MACROD2: variants seen among roughly 807,000 people sequenced by gnomAD.
MACROD2 encodes the protein mono-ADP ribosylhydrolase 2, also known as ADP-ribose glycohydrolase MACROD2.
In MACROD2, 36 loss-of-function variants were observed where a neutral mutation model predicts 70.4. The observed-to-expected ratio is 0.51, with a 90% CI of 0.39 to 0.68. The LOEUF (loss-of-function observed/expected upper bound fraction) is 0.68. Among genes scored for constraint, MACROD2 ranks in the 30% least tolerant of loss-of-function variants. The pLI is 0.00. For missense variants in MACROD2, 496 were observed against 538.4 expected (o/e 0.92, Z 0.78); for synonymous variants, 172 against 178.8 (o/e 0.96, Z 0.30).
rs571804323 is a variant in MACROD2 at position 15,741,554 on chromosome 20, G to A, written c.646-121191G>A. 7.9e-5 allele frequency among the ~76,000 whole-genome samples: 12 copies of A among 152,020 alleles called. No homozygotes were observed. In the South Asian group the frequency reaches 2.1e-3, roughly 26 times the overall value. On this transcript the variant is annotated intron_variant, in intron 8 of 17. Coordinates refer to ENST00000684519, the MANE Select transcript of MACROD2 (RefSeq NM_001351661.2). Reference sequence around the variant, plus strand: ...GAACCCTCTGTCCTCTGATATGCACGTGGCTACTCCCTCACCTCCTTCACA... The same window carrying A: ...GAACCCTCTGTCCTCTGATATGCACATGGCTACTCCCTCACCTCCTTCACA...
intron 6 of MACROD2, among the ~76,000 whole-genome samples, chr20:15,273,670 G>A (rs1403147231): frequency 6.6e-6 from 1 of 152,140 alleles, no homozygotes; most frequent in Non-Finnish European, 1.5e-5. Flanking sequence ...TAAGGTGACT[G>A]AATTCCCCTC....
At position 15,759,581 on chromosome 20, in the gene MACROD2, C is replaced by T. The variant is rs538172951; in HGVS notation, c.646-103164C>T. 3.2e-4 allele frequency among the ~76,000 whole-genome samples: 48 copies of T among 152,242 alleles called. 1 individual carries two copies. The highest frequency in any genetic ancestry group is 1.0e-3 in the African/African-American group (42 of 41,550). ...TCACTTGTACCTATTTCCCAAATTG[C>T]GCCTGCAACAAATGTGTCCATTTGC... On this transcript the variant is annotated intron_variant, in intron 8 of 17. Transcript: ENST00000684519.
chr20:15,287,190 C>T (rs941587592), intron 6 of MACROD2, among the ~76,000 whole-genome samples: 2 of 152,230 alleles, frequency 1.3e-5, no homozygotes, highest in Non-Finnish European at 2.9e-5. Flanking sequence ...AAGTTAGATC[C>T]TATCAATAAA....
chr20:15,331,461 G>A (rs2077991694), intron 6 of MACROD2, among the ~76,000 whole-genome samples: 2 of 151,486 alleles, frequency 1.3e-5, no homozygotes, highest in Admixed American at 1.3e-4. Context: ...AAGATACTAT[G>A]TGTGAAAATG....
intron 3 of MACROD2, among the ~76,000 whole-genome samples, chr20:14,374,548 G>T (rs1252473316): frequency 6.6e-6 from 1 of 152,108 alleles, no homozygotes; most frequent in Non-Finnish European, 1.5e-5. Flanking sequence ...GTATTCTTCA[G>T]TCTTGCTAAT....
chr20:14,561,322 T>G (rs1479835767), intron 4 of MACROD2, among the ~76,000 whole-genome samples: 1 of 151,888 alleles, frequency 6.6e-6, no homozygotes, highest in Non-Finnish European at 1.5e-5. Context: ...AATGTCTTGA[T>G]TTTTGAGAAA....
intron 15 of MACROD2, among the ~76,000 whole-genome samples, chr20:16,000,474 G>A (rs1547117): frequency 0.4 from 60,614 of 151,970 alleles, 12,739 homozygotes; most frequent in Non-Finnish European, 0.45. Flanking sequence ...GGCCATAAGT[G>A]GAATGGAGTA....
At chr20:14,173,351 C>T (rs949129411) in intron 3 of MACROD2, among the ~76,000 whole-genome samples, 2 of 151,954 alleles carry the variant, frequency 1.3e-5, no homozygotes, top group Admixed American at 6.6e-5. Flanking sequence ...TGAATTAATT[C>T]GAAAGCCCTC....
chr20:15,699,923 G>A (rs746849904), intron 8 of MACROD2, among the ~76,000 whole-genome samples: 3 of 152,044 alleles, frequency 2.0e-5, no homozygotes, highest in Non-Finnish European at 4.4e-5. Flanking sequence ...AAGCCCCCAG[G>A]GCCTTTCTGC....
At chr20:15,177,962 T>A (rs1393811025) in intron 5 of MACROD2, among the ~76,000 whole-genome samples, 1 of 152,132 alleles carries the variant, frequency 6.6e-6, no homozygotes, top group Non-Finnish European at 1.5e-5. Context: ...TTTCTTTCTC[T>A]GTAGTGAACC....
chr20:15,470,524 G>A (rs1267467754), intron 7 of MACROD2, among the ~76,000 whole-genome samples: 2 of 152,112 alleles, frequency 1.3e-5, no homozygotes, highest in South Asian at 2.1e-4. Flanking sequence ...TGCCACCTGC[G>A]GAGTACGGAG....
chr20:15,777,791 T>C (rs1461820726), intron 8 of MACROD2, among the ~76,000 whole-genome samples: 4 of 152,022 alleles, frequency 2.6e-5, no homozygotes, highest in African/African-American at 7.2e-5. Flanking sequence ...ATTACAGGCA[T>C]GAGCCATCAC....
At chr20:14,532,220 T>C (rs1312173490) in intron 4 of MACROD2, among the ~76,000 whole-genome samples, 1 of 127,438 alleles carries the variant, frequency 7.8e-6, no homozygotes, top group African/African-American at 4.3e-5. Context: ...TAACTAATCT[T>C]TTTTTTTTTT....
chr20:15,787,822 T>C (rs1568561225), intron 8 of MACROD2, among the ~76,000 whole-genome samples: 1 of 152,230 alleles, frequency 6.6e-6, no homozygotes, highest in East Asian at 1.9e-4. Flanking sequence ...TGAATTCAAG[T>C]TTAATCTTCT....
At chr20:15,033,739 TTAAAA>T (rs1345753938) in intron 5 of MACROD2, among the ~76,000 whole-genome samples, 1 of 152,148 alleles carries the variant, frequency 6.6e-6, no homozygotes, top group Non-Finnish European at 1.5e-5. Context: ...CTAATGGAAA[TTAAAA>T]TAAACAAACC....
chr20:15,345,085 G>T (rs922274318), intron 6 of MACROD2, among the ~76,000 whole-genome samples: 2 of 149,128 alleles, frequency 1.3e-5, no homozygotes, highest in Non-Finnish European at 3.0e-5. Flanking sequence ...CTTTCTCTGG[G>T]GTCTCTTTTA....
At chr20:15,118,841 T>C (rs541684962) in intron 5 of MACROD2, among the ~76,000 whole-genome samples, 4 of 152,230 alleles carry the variant, frequency 2.6e-5, no homozygotes, top group Non-Finnish European at 5.9e-5. Flanking sequence ...TTGTTGGAAA[T>C]ACAGCCACTT....
At chr20:14,148,353 T>C (rs6042552) in intron 3 of MACROD2, among the ~76,000 whole-genome samples, 6,265 of 152,268 alleles carry the variant, frequency 0.041, 176 homozygotes, top group African/African-American at 0.08. Flanking sequence ...AAGAAGATTT[T>C]TGTGATATCT....
At chr20:15,377,866 ATCATTC>A (rs2045583741) in intron 6 of MACROD2, among the ~76,000 whole-genome samples, 1 of 152,196 alleles carries the variant, frequency 6.6e-6, no homozygotes, top group African/African-American at 2.4e-5. Context: ...TGGCAGGATA[ATCATTC>A]TCAGCAAACT....
Sources: gnomAD v4.1 joint callset for allele counts (sites outside exome capture counted in the v4.1 genomes callset) on GRCh38, gnomAD v4.1.1 for gene constraint, MANE v1.5 for transcripts, NCBI Gene and HGNC (gene_info 2026-07-23, HGNC 2026-07-21) for gene names.